Variants in FER1L6 observed in about 807,000 individuals in gnomAD.
FER1L6 encodes fer-1 like family member 6, also known as fer-1-like protein 6.
A neutral mutation model predicts 219.2 loss-of-function variants in FER1L6; 177 were observed. The ratio of observed to expected loss-of-function variants is 0.81; its 90% CI spans 0.71 to 0.91. The LOEUF (loss-of-function observed/expected upper bound fraction) is 0.91. FER1L6 is among the 40% of genes least tolerant of loss of function. The probability of loss-of-function intolerance (pLI) is 0.00; values close to 1 mark genes in which losing one functional copy is unlikely to be tolerated. For synonymous variants in FER1L6, 768 were observed against 824.3 expected, an observed-to-expected ratio of 0.93 and a Z score of 1.17; for missense variants, 2,153 against 2,259.9, an observed-to-expected ratio of 0.95 and a Z score of 0.96.
At chr8:123,964,761 A>G (rs1320357160) in intron 3 of FER1L6, among the ~76,000 whole-genome samples, 1 of 152,146 alleles carries the variant, frequency 6.6e-6, no homozygotes, top group Non-Finnish European at 1.5e-5. Flanking sequence ...CCACCCACCA[A>G]TGCTCAATTC....
intron 7 of FER1L6, among the ~76,000 whole-genome samples, chr8:123,974,546 G>A (rs1815963103): frequency 6.6e-6 from 1 of 150,668 alleles, no homozygotes; most frequent in Admixed American, 6.7e-5. Context: ...TGTGGCAGGA[G>A]AATGGCTTGA....
At chr8:124,052,992 A>AGGT (rs1355688270) in intron 22 of FER1L6, among the ~76,000 whole-genome samples, 1 of 152,200 alleles carries the variant, frequency 6.6e-6, no homozygotes, top group Admixed American at 6.5e-5. Context: ...CAAGTGGTAA[A>AGGT]GGTGGTCGTG....
chr8:124,118,694 C>CA, intron 39 of FER1L6, 150 bp from the exon 40 acceptor site: 2 of 685,010 alleles, frequency 2.9e-6, no homozygotes, highest in South Asian at 2.0e-5. Flanking sequence ...CTCCCAGGAC[C>CA]AAAAAAAGCA....
At chr8:123,855,617 C>T (rs1347118256) in intron 1 of FER1L6, among the ~76,000 whole-genome samples, 2 of 149,858 alleles carry the variant, frequency 1.3e-5, no homozygotes, top group African/African-American at 5.0e-5. Context: ...CTGGACCCCA[C>T]AAAGTTGTAA....
intron 2 of FER1L6, among the ~76,000 whole-genome samples, chr8:123,960,386 A>G (rs1236799714): frequency 6.6e-6 from 1 of 152,216 alleles, no homozygotes. Flanking sequence ...GCAACATTCC[A>G]GATGAATTAA....
intron 2 of FER1L6, among the ~76,000 whole-genome samples, chr8:123,957,683 C>T (rs1458843034): frequency 2.6e-5 from 4 of 152,250 alleles, no homozygotes; most frequent in African/African-American, 9.6e-5. Context: ...GGGTTTCCTA[C>T]CCCATGGGCA....
chr8:123,946,827 T>A (rs1470983598), intron 1 of FER1L6, among the ~76,000 whole-genome samples: 2 of 152,156 alleles, frequency 1.3e-5, no homozygotes, highest in East Asian at 3.9e-4. Flanking sequence ...GAGCTCGATT[T>A]TTTTTCTCTA....
At chr8:123,913,165 TA>T (rs1439849705) in intron 1 of FER1L6, among the ~76,000 whole-genome samples, 1 of 152,170 alleles carries the variant, frequency 6.6e-6, no homozygotes, top group Non-Finnish European at 1.5e-5. Context: ...GGGGAAGTTA[TA>T]AAAGCTTCAG....
intron 1 of FER1L6, among the ~76,000 whole-genome samples, chr8:123,946,908 C>G (rs1412718747): frequency 6.6e-6 from 1 of 152,130 alleles, no homozygotes; most frequent in Non-Finnish European, 1.5e-5. Flanking sequence ...GCAGAGTGTA[C>G]TAGGGCCTAG....
At chr8:123,895,108 C>T (rs745613350) in intron 1 of FER1L6, among the ~76,000 whole-genome samples, 29 of 152,180 alleles carry the variant, frequency 1.9e-4, no homozygotes, top group Non-Finnish European at 3.5e-4. Context: ...AAGATTGCAT[C>T]ATCACTTCAT....
At chr8:123,877,207 A>G (rs1817019421) in intron 1 of FER1L6, among the ~76,000 whole-genome samples, 1 of 152,204 alleles carries the variant, frequency 6.6e-6, no homozygotes, top group Admixed American at 6.5e-5. Flanking sequence ...CTCAAGAATC[A>G]TCCTTTCATT....
chr8:123,971,409 C>T (rs191509033), intron 6 of FER1L6, among the ~76,000 whole-genome samples: 57 of 152,288 alleles, frequency 3.7e-4, no homozygotes, highest in Admixed American at 1.8e-3. Flanking sequence ...ATTGCTCAGG[C>T]AACCATCTGT....
At chr8:123,956,897 C>T (rs945057447) in intron 2 of FER1L6, among the ~76,000 whole-genome samples, 1 of 152,206 alleles carries the variant, frequency 6.6e-6, no homozygotes, top group East Asian at 1.9e-4. Flanking sequence ...TCTTGAGTTA[C>T]AGGGTGAACT....
chr8:124,038,614 G>A (rs932276610), intron 19 of FER1L6, among the ~76,000 whole-genome samples: 2 of 152,136 alleles, frequency 1.3e-5, no homozygotes, highest in Non-Finnish European at 2.9e-5. Flanking sequence ...ACCATTCTGA[G>A]CCCTTCAGTT....
intron 12 of FER1L6, among the ~76,000 whole-genome samples, chr8:123,993,458 AAAG>A (rs1350369821): frequency 4.5e-4 from 69 of 151,734 alleles, no homozygotes; most frequent in African/African-American, 1.5e-3. Context: ...AAAAAAAAAA[AAAG>A]GAAGAATGTA....
In FER1L6 at chr8:124,016,764, T is replaced by C. The variant is rs531534837; in HGVS notation, c.1923-864T>C. On this transcript the variant is annotated intron_variant, in intron 15 of 40. Coordinates refer to ENST00000522917, the MANE Select transcript of FER1L6 (RefSeq NM_001039112.2). ...CATGATATATTTAACTAGTCCCTAA[T>C]GACATTTAAGTTGTTCCCACTTATT... 2.6e-5 allele frequency among the ~76,000 whole-genome samples: 4 copies of C among 152,344 alleles called. No homozygotes were observed. The East Asian group carries it at 7.7e-4, about 29-fold the overall frequency.
chr8:124,047,105 A>G lies in FER1L6; in HGVS notation c.2724+1204A>G, dbSNP rs538523988. On this transcript the variant is annotated intron_variant, in intron 21 of 40. Coordinates refer to ENST00000522917, the MANE Select transcript of FER1L6 (RefSeq NM_001039112.2). ...AACATGCTTTCAATTGTTAGTGTTTATTTTCTATGCAGAAAACAATAATAG... is the reference window on the plus strand; with the variant it reads ...AACATGCTTTCAATTGTTAGTGTTTGTTTTCTATGCAGAAAACAATAATAG... Among the ~76,000 whole-genome samples the G allele has an allele frequency of 5.9e-5, 9 of 152,326 alleles. No homozygotes were observed. The East Asian group carries it at 1.3e-3, about 23-fold the overall frequency.
chr8:123,929,853 T>C (rs1813701751), intron 1 of FER1L6, among the ~76,000 whole-genome samples: 1 of 152,172 alleles, frequency 6.6e-6, no homozygotes, highest in Non-Finnish European at 1.5e-5. Context: ...AAGAGACATG[T>C]GTTCCCCCCT....
In FER1L6 at chr8:124,003,198, C is replaced by T. The variant is rs889913737; in HGVS notation, c.1551C>T (p.Ser517=). ...TTGGAAACCTGATTGATGGAGGATCCCATCATGGGAGTAAGAAGTCAGCTG... is the reference window on the plus strand; with the variant it reads ...TTGGAAACCTGATTGATGGAGGATCTCATCATGGGAGTAAGAAGTCAGCTG... ...GNFGNLIDGG[S]HHGSKKSAES... Residue 517 remains serine (S), a synonymous_variant, in exon 13 of 41, where the codon TCC becomes TCT. Coordinates refer to ENST00000522917, the MANE Select transcript of FER1L6 (RefSeq NM_001039112.2). The T allele has an allele frequency of 6.2e-7, 1 of 1,613,768 alleles. No individual in the cohort carries two copies. The highest frequency in any genetic ancestry group is 1.3e-5 in the African/African-American group (1 of 74,890).
Sources: allele counts gnomAD v4.1 joint callset (sites outside exome capture counted in the v4.1 genomes callset), GRCh38; gene constraint gnomAD v4.1.1; transcripts MANE v1.5; gene names NCBI Gene and HGNC (gene_info 2026-07-23, HGNC 2026-07-21).